The following PPM1D variants were observed in gnomAD, a reference collection of about 807,000 sequenced individuals.
PPM1D encodes the protein protein phosphatase 1D.
Under a neutral mutation model 58.3 loss-of-function variants are expected in PPM1D, and 52 were observed. The observed-to-expected ratio is 0.89, with a 90% CI of 0.71 to 1.12. The LOEUF (loss-of-function observed/expected upper bound fraction) is 1.12. PPM1D is among the 50% of genes most tolerant of loss of function. The pLI, the probability that PPM1D is intolerant of heterozygous loss-of-function variation, is 0.00. For missense variants in PPM1D, 564 were observed against 777.2 expected (o/e 0.73, Z 3.26); for synonymous variants, 278 against 285.1 (o/e 0.98, Z 0.25).
At chr17:60,640,010 T>C (rs1015361044) in intron 3 of PPM1D, among the ~76,000 whole-genome samples, 1 of 152,156 alleles carries the variant, frequency 6.6e-6, no homozygotes, top group Admixed American at 6.5e-5. Flanking sequence ...TACTGCATTT[T>C]ATAGGCAGTG....
chr17:60,660,646 A>T (rs2031510234), intron 5 of PPM1D, among the ~76,000 whole-genome samples: 1 of 151,830 alleles, frequency 6.6e-6, no homozygotes, highest in Non-Finnish European at 1.5e-5. Flanking sequence ...CTCTAACCCC[A>T]GCTACTCGGG....
chr17:60,607,598 G>A (rs938617983), intron 1 of PPM1D, among the ~76,000 whole-genome samples: 3 of 152,156 alleles, frequency 2.0e-5, no homozygotes. Flanking sequence ...ACCGCACCTG[G>A]CAAAAATAAG....
intron 3 of PPM1D, among the ~76,000 whole-genome samples, chr17:60,639,137 C>CT (rs2031084617): frequency 1.3e-5 from 2 of 151,914 alleles, no homozygotes; most frequent in African/African-American, 4.8e-5. Context: ...TTTTTTGAGA[C>CT]TGAGTTTTTT....
In PPM1D at chr17:60,663,426, A is replaced by C; in HGVS notation, c.1692A>C (p.Ala564=). 3.1e-6 allele frequency: 5 copies of C among 1,614,172 alleles called. No individual in the cohort carries two copies. The highest frequency in any genetic ancestry group is 4.2e-6 in the Non-Finnish European group (5 of 1,180,028). The change falls in exon 6 of 6, where the codon GCA becomes GCC. Residue 564 remains alanine (A), a synonymous_variant. Transcript: ENST00000305921. ...GTCGAAGTAGTGGTGCTCAGCCTGC[A>C]AGTCTCCCCACAACCTCACAGCGAA... ...GLSRSSGAQP[A]SLPTTSQRKN... is the part of the protein sequence containing the mutation.
chr17:60,614,209 C>T (rs531968428), intron 1 of PPM1D, among the ~76,000 whole-genome samples: 1 of 152,288 alleles, frequency 6.6e-6, no homozygotes, highest in East Asian at 1.9e-4. Flanking sequence ...AGTCAGCACC[C>T]TGTGTCTAGC....
intron 1 of PPM1D, among the ~76,000 whole-genome samples, chr17:60,615,014 G>C (rs1255696096): frequency 6.6e-6 from 1 of 152,148 alleles, no homozygotes. Flanking sequence ...AAAACTATTT[G>C]CACCAGGGTA....
intron 1 of PPM1D, among the ~76,000 whole-genome samples, chr17:60,618,213 A>AT (rs2030625160): frequency 6.6e-6 from 1 of 152,092 alleles, no homozygotes; most frequent in South Asian, 2.1e-4. Context: ...GGCTCAAGCG[A>AT]TCCCCCTGCC....
chr17:60,635,304 C>T (rs1030826007), intron 3 of PPM1D, among the ~76,000 whole-genome samples: 3 of 151,836 alleles, frequency 2.0e-5, no homozygotes, highest in African/African-American at 7.3e-5. Context: ...TAACCTCTGC[C>T]TCCTGGGTTC....
intron 2 of PPM1D, among the ~76,000 whole-genome samples, chr17:60,627,159 T>C (rs1001439634): frequency 6.6e-6 from 1 of 152,238 alleles, no homozygotes; most frequent in African/African-American, 2.4e-5. Context: ...GTTACAACTT[T>C]TTGGGTTTTA....
In PPM1D at chr17:60,602,684, C is replaced by T. The variant is rs151009399; in HGVS notation, c.472+1798C>T. ...AGACTTTTCGAATTAAGCTGTCACT[C>T]TTATGATGCATAAAGTTTAGAGCCT... On this transcript the variant is annotated intron_variant, in intron 1 of 5. Coordinates refer to ENST00000305921, the MANE Select transcript of PPM1D (RefSeq NM_003620.4). Among the ~76,000 whole-genome samples the T allele has an allele frequency of 8.5e-3, 1,272 of 149,150 alleles. 25 individuals carry two copies. The highest frequency in any genetic ancestry group is 0.03 in the African/African-American group (1,209 of 40,568).
At chr17:60,608,619 A>C (rs2030382776) in intron 1 of PPM1D, among the ~76,000 whole-genome samples, 1 of 152,102 alleles carries the variant, frequency 6.6e-6, no homozygotes, top group Non-Finnish European at 1.5e-5. Context: ...AAAATAATAA[A>C]ACATTACCAG....
At position 60,632,199 on chromosome 17, in the gene PPM1D, C is replaced by CA. The variant is rs538500335; in HGVS notation, c.702-1643dup. On this transcript the variant is annotated intron_variant, in intron 2 of 5. Coordinates refer to ENST00000305921, the MANE Select transcript of PPM1D (RefSeq NM_003620.4). The stretch of plus-strand genomic sequence containing the variant: ...ACAGAGCCAGACTCTGTCTCAAAAA[C>CA]AAAAAAAAAAACCTAATCATATTTC... Among the ~76,000 whole-genome samples the CA allele has an allele frequency of 4.9e-3, 685 of 139,892 alleles. 8 individuals carry two copies. The highest frequency in any genetic ancestry group is 0.042 in the South Asian group (183 of 4,394). The allele number at this position is 139,892 out of a possible 152,430, so 91.8% of individuals were successfully genotyped here. A position where few individuals can be genotyped will look rare whatever the true frequency, so the allele number is the denominator to read the frequency against.
intron 1 of PPM1D, among the ~76,000 whole-genome samples, chr17:60,621,124 T>A (rs942342495): frequency 3.9e-5 from 6 of 152,026 alleles, no homozygotes; most frequent in African/African-American, 1.4e-4. Context: ...GGTTTCATCA[T>A]GTTGGCCAGG....
intron 4 of PPM1D, among the ~76,000 whole-genome samples, chr17:60,654,286 T>A (rs2031394523): frequency 2.7e-5 from 4 of 148,366 alleles, no homozygotes; most frequent in Admixed American, 6.7e-5. Context: ...TTTTTTTTTT[T>A]GAGAGAGAGA....
intron 1 of PPM1D, among the ~76,000 whole-genome samples, chr17:60,604,979 C>T (rs2030299092): frequency 6.6e-6 from 1 of 151,354 alleles, no homozygotes; most frequent in African/African-American, 2.5e-5. Context: ...CCATCATACC[C>T]AGCTAATTTT....
At chr17:60,634,989 G>T (rs191173917) in intron 3 of PPM1D, among the ~76,000 whole-genome samples, 1 of 151,708 alleles carries the variant, frequency 6.6e-6, no homozygotes, top group Non-Finnish European at 1.5e-5. Flanking sequence ...TGTGTTGCCC[G>T]GGGTGGTCCT....
chr17:60,665,788 A>T lies in PPM1D; in HGVS notation c.*2236A>T, dbSNP rs1316319929. On this transcript the variant is annotated 3_prime_UTR_variant, in exon 6 of 6. Coordinates refer to ENST00000305921, the MANE Select transcript of PPM1D (RefSeq NM_003620.4). ...TCGAAGGTGTCATTGGGGCTAGAAG[A>T]TCTGCTTCCCGCAAGACTCACAGCT... 6.6e-6 allele frequency: 1 copy of T among 152,210 alleles called. No homozygotes were observed. Among genetic ancestry groups the T allele is most frequent in the Admixed American group, 6.5e-5 (1 of 15,272 alleles). The allele number at this position is 152,210 out of a possible 1,614,324, so 9.4% of individuals were successfully genotyped here. A position where few individuals can be genotyped will look rare whatever the true frequency, so the allele number is the denominator to read the frequency against.
At chr17:60,645,482 G>GTGTGTGTGTGTGTA (rs1340556364) in intron 3 of PPM1D, among the ~76,000 whole-genome samples, 37 of 138,484 alleles carry the variant, frequency 2.7e-4, no homozygotes, top group African/African-American at 1.1e-3. Flanking sequence ...GTGTGTGTGT[G>GTGTGTGTGTGTGTA]TGTGTGTGTG....
At chr17:60,620,537 G>A (rs537629692) in intron 1 of PPM1D, among the ~76,000 whole-genome samples, 1 of 150,894 alleles carries the variant, frequency 6.6e-6, no homozygotes, top group Non-Finnish European at 1.5e-5. Context: ...TTGTTTGTTT[G>A]TTTTTTTGAG....
Sources: allele counts gnomAD v4.1 joint callset (sites outside exome capture counted in the v4.1 genomes callset), GRCh38; gene constraint gnomAD v4.1.1; transcripts MANE v1.5; gene names NCBI Gene and HGNC (gene_info 2026-07-23, HGNC 2026-07-21).